PKHD1: variants seen among roughly 807,000 people sequenced by gnomAD.
The protein encoded by PKHD1 is PKHD1 ciliary IPT domain containing fibrocystin/polyductin.
PKHD1 carries 291 observed loss-of-function variants against 412.0 expected under a neutral mutation model. The ratio of observed to expected loss-of-function variants is 0.71; its 90% CI spans 0.64 to 0.78. The LOEUF is 0.78. Ranked by LOEUF, PKHD1 falls within the 30% of genes least tolerant of loss-of-function variation. The pLI is 0.00. For missense variants in PKHD1, 4,825 were observed against 4,950.7 expected (o/e 0.97, Z 0.76); for synonymous variants, 1,777 against 1,821.5 (o/e 0.98, Z 0.62).
At chr6:51,902,573 CAG>C (rs1305004775) in intron 43 of PKHD1, among the ~76,000 whole-genome samples, 1 of 152,150 alleles carries the variant, frequency 6.6e-6, no homozygotes. Flanking sequence ...TAATTAAAAA[CAG>C]ATGATCAGTG....
In PKHD1 at chr6:51,907,611, A is replaced by G. The variant is rs560320201; in HGVS notation, c.6683-1271T>C. Among the ~76,000 whole-genome samples the G allele has an allele frequency of 2.2e-3, 328 of 152,256 alleles. 1 individual carries two copies. Among genetic ancestry groups the G allele is most frequent in the African/African-American group, 7.5e-3 (311 of 41,554 alleles). On this transcript the variant is annotated intron_variant, in intron 40 of 66. Transcript: ENST00000371117. Reference sequence around the variant, plus strand: ...TGTGCAACATTTACCTATGTAACAAACCTGCACATCCTGCACATGTACCCT... The same window carrying G: ...TGTGCAACATTTACCTATGTAACAAGCCTGCACATCCTGCACATGTACCCT...
intron 60 of PKHD1, chr6:51,720,785 G>GTGTGTATA (rs1167022876): frequency 2.1e-5 from 3 of 142,574 alleles, no homozygotes; most frequent in African/African-American, 8.0e-5. Context: ...GTGTGTGTGT[G>GTGTGTATA]TATATATATA....
chr6:51,839,412 A>T (rs1171721700), intron 50 of PKHD1, among the ~76,000 whole-genome samples: 5 of 152,204 alleles, frequency 3.3e-5, no homozygotes, highest in East Asian at 1.9e-4. Flanking sequence ...AGACAAAAAA[A>T]AAGTCTTTGG....
chr6:52,028,519 ATT>A (rs5876250), intron 29 of PKHD1, among the ~76,000 whole-genome samples, 168 bp from the exon 30 acceptor site: 3 of 143,852 alleles, frequency 2.1e-5, no homozygotes, highest in Admixed American at 6.9e-5. Context: ...TCTAACAACT[ATT>A]TTTTTTTTTT....
In PKHD1 at chr6:52,027,547, A is replaced by AG. The variant is rs1425754976; in HGVS notation, c.3628+281_3628+282insC. Reference sequence around the variant, plus strand: ...AACTCCGTCTCAAAAAAAAAAAAAAAAAGAAGAAGAAGAAGAAGGAGAAGA... The same window carrying AG: ...AACTCCGTCTCAAAAAAAAAAAAAAAGAAGAAGAAGAAGAAGAAGGAGAAGA... On this transcript the variant is annotated intron_variant, in intron 31 of 66. Coordinates refer to ENST00000371117, the MANE Select transcript of PKHD1 (RefSeq NM_138694.4). Among the ~76,000 whole-genome samples the AG allele has an allele frequency of 0.011, 1,690 of 148,928 alleles. 23 individuals are homozygous for AG. The highest frequency in any genetic ancestry group is 0.035 in the African/African-American group (1,393 of 39,862).
At chr6:51,648,979 T>A (rs550956769) in intron 62 of PKHD1, 106 bp downstream of exon 62, 1 of 1,102,106 alleles carries the variant, frequency 9.1e-7, no homozygotes, top group African/African-American at 1.5e-5. Context: ...TTGCACCCAG[T>A]GGGCACTCTG....
intron 35 of PKHD1, among the ~76,000 whole-genome samples, chr6:51,981,414 TGC>T (rs1795239570): frequency 6.9e-6 from 1 of 145,508 alleles, no homozygotes; most frequent in Non-Finnish European, 1.5e-5. Context: ...TGGACGGTGC[TGC>T]TGCCATCTCG....
Position 51,830,953 on chromosome 6 carries a change from G to T in PKHD1, c.8210C>A (p.Ser2737Tyr). ...AACACCTTGCCATGTTTCAGGGAGG[G>T]ACCATTTTAAAGCTGATTCAGGGGC... ...TSAPESALKW[S>Y]LPETWQGVEE... The change falls in exon 52 of 67, where the codon TCC becomes TAC. Residue 2737 changes from serine (S) to tyrosine (Y), a missense_variant. Physicochemically the swap from Ser to Tyr is moderately radical, Grantham distance 144. Coordinates refer to ENST00000371117, the MANE Select transcript of PKHD1 (RefSeq NM_138694.4). The T allele has an allele frequency of 6.2e-7, 1 of 1,612,012 alleles. No homozygotes were observed. Among genetic ancestry groups the T allele is most frequent in the Non-Finnish European group, 8.5e-7 (1 of 1,178,450 alleles).
chr6:51,849,567 A>G (rs1771823922), intron 49 of PKHD1, among the ~76,000 whole-genome samples: 1 of 152,108 alleles, frequency 6.6e-6, no homozygotes, highest in Non-Finnish European at 1.5e-5. Context: ...TTGTTTCCTG[A>G]CTTTTTAATA....
At chr6:52,063,696 T>C (rs1809040312) in intron 13 of PKHD1, among the ~76,000 whole-genome samples, 1 of 152,194 alleles carries the variant, frequency 6.6e-6, no homozygotes, top group African/African-American at 2.4e-5. Flanking sequence ...CTCAGCCCAC[T>C]AGATGTCAGT....
intron 55 of PKHD1, among the ~76,000 whole-genome samples, chr6:51,766,493 G>C (rs1017217924): frequency 5.3e-5 from 8 of 151,802 alleles, no homozygotes; most frequent in African/African-American, 1.9e-4. Context: ...TTCCATTACT[G>C]TTTTAATTAA....
At chr6:51,631,939 C>CTTTTTT (rs1196969455) in intron 65 of PKHD1, among the ~76,000 whole-genome samples, 2 of 130,028 alleles carry the variant, frequency 1.5e-5, no homozygotes, top group African/African-American at 2.8e-5. Flanking sequence ...TTTTTTTTTT[C>CTTTTTT]TTTTTTTTTT....
At chr6:51,801,979 A>G (rs1461347352) in intron 52 of PKHD1, among the ~76,000 whole-genome samples, 1 of 152,222 alleles carries the variant, frequency 6.6e-6, no homozygotes, top group African/African-American at 2.4e-5. Flanking sequence ...AAGTAAAATT[A>G]CCAACTGTAT....
At chr6:51,694,836 G>A (rs887842450) in intron 60 of PKHD1, among the ~76,000 whole-genome samples, 1 of 152,026 alleles carries the variant, frequency 6.6e-6, no homozygotes, top group African/African-American at 2.4e-5. Flanking sequence ...CATCACTTCT[G>A]ACCCACAGAA....
chr6:51,653,245 T>C (rs1562028157), intron 61 of PKHD1, among the ~76,000 whole-genome samples: 2 of 152,152 alleles, frequency 1.3e-5, no homozygotes, highest in Non-Finnish European at 2.9e-5. Flanking sequence ...TCTGAGTTGA[T>C]AGATACAATT....
chr6:51,887,298 G>A, intron 43 of PKHD1, 53 bp from the exon 44 acceptor site: 1 of 1,157,064 alleles, frequency 8.6e-7, no homozygotes, highest in Non-Finnish European at 1.3e-6. Context: ...TGATAAGGTT[G>A]CTGGAAAGAA....
At chr6:51,820,477 C>T (rs1029106490) in intron 52 of PKHD1, among the ~76,000 whole-genome samples, 2 of 152,144 alleles carry the variant, frequency 1.3e-5, no homozygotes, top group Non-Finnish European at 2.9e-5. Context: ...CTATTAGAAC[C>T]AGTGCTAGGT....
chr6:52,033,156 C>T lies in PKHD1; in HGVS notation c.3238G>A (p.Gly1080Arg), dbSNP rs1298771026. The change falls in exon 29 of 67, where the codon GGA becomes AGA. Residue 1080 changes from glycine (G) to arginine (R), a missense_variant. Physicochemically the swap from Gly to Arg is moderately radical, Grantham distance 125 (BLOSUM62 -2). Transcript: ENST00000371117. ...QCKVPPRGKDGRIVNVTVIRG... is the reference protein window; with the variant it reads ...QCKVPPRGKDRRIVNVTVIRG... ...ATCACAGTCACATTCACAATGCGTCCATCTTTCCCCTGAAAAATCAATTTT... is the reference window on the plus strand; with the variant it reads ...ATCACAGTCACATTCACAATGCGTCTATCTTTCCCCTGAAAAATCAATTTT... 6.2e-7 allele frequency: 1 copy of T among 1,612,522 alleles called. No homozygotes were observed. Among genetic ancestry groups the T allele is most frequent in the South Asian group, 1.1e-5 (1 of 91,052 alleles).
intron 47 of PKHD1, among the ~76,000 whole-genome samples, chr6:51,869,527 C>T (rs771371757): frequency 9.2e-5 from 14 of 151,988 alleles, no homozygotes; most frequent in Non-Finnish European, 1.9e-4. Context: ...TAAGCAGAGC[C>T]TGAAATAGAT....
Sources: allele counts gnomAD v4.1 joint callset (sites outside exome capture counted in the v4.1 genomes callset), GRCh38; gene constraint gnomAD v4.1.1; transcripts MANE v1.5; gene names NCBI Gene and HGNC (gene_info 2026-07-23, HGNC 2026-07-21).